Variants in PHLPP1 observed in about 807,000 individuals in gnomAD.
PHLPP1 encodes the protein PH domain leucine-rich repeat-containing protein phosphatase 1.
Under a neutral mutation model 117.2 loss-of-function variants are expected in PHLPP1, and 42 were observed. The ratio of observed to expected loss-of-function variants is 0.36; its 90% CI spans 0.28 to 0.46. The LOEUF is 0.46. Ranked by LOEUF, PHLPP1 falls within the 20% of genes least tolerant of loss-of-function variation. The pLI is 1.00. For missense variants in PHLPP1, 2,084 were observed against 2,241.9 expected (o/e 0.93, Z 1.42); for synonymous variants, 1,042 against 970.7 (o/e 1.07, Z -1.37).
At chr18:62,766,076 A>AAAAAAAAATAT in intron 1 of PHLPP1, among the ~76,000 whole-genome samples, 14 of 21,660 alleles carry the variant, frequency 6.5e-4, no homozygotes, top group Admixed American at 7.9e-4. Flanking sequence ...AAAAAAAAAA[A>AAAAAAAAATAT]ATATATATAT....
chr18:62,880,169 G>A (rs1387953020), intron 4 of PHLPP1, among the ~76,000 whole-genome samples: 1 of 151,408 alleles, frequency 6.6e-6, no homozygotes, highest in Non-Finnish European at 1.5e-5. Context: ...CCTAGCATCA[G>A]ACTTTTATTA....
At chr18:62,957,263 G>A (rs777555304) in intron 12 of PHLPP1, among the ~76,000 whole-genome samples, 24 of 152,068 alleles carry the variant, frequency 1.6e-4, no homozygotes, top group Non-Finnish European at 2.6e-4. Flanking sequence ...TCTTTTTACA[G>A]TACACCTTAT....
rs866801794 is a variant in PHLPP1 at position 62,822,287 on chromosome 18, T to G, written c.1577-7748T>G. Among the ~76,000 whole-genome samples the G allele has an allele frequency of 8.1e-3, 1,108 of 136,198 alleles. 21 individuals carry two copies. The highest frequency in any genetic ancestry group is 0.021 in the African/African-American group (763 of 36,072). 89.4% of individuals were successfully genotyped at this position (136,198 alleles called of 152,430 possible). On this transcript the variant is annotated intron_variant, in intron 1 of 16. Transcript: ENST00000262719. ...AGTGTTTTTTTTTTTTTTGTTTTTG[T>G]TTTTTTTTTTTTGAGACAGAGTCTC...
chr18:62,870,961 A>G (rs1231546837), intron 4 of PHLPP1, among the ~76,000 whole-genome samples: 1 of 152,088 alleles, frequency 6.6e-6, no homozygotes, highest in African/African-American at 2.4e-5. Context: ...GGTGGTGTTG[A>G]TGGTTTCTTT....
At chr18:62,784,695 C>T (rs1442622516) in intron 1 of PHLPP1, among the ~76,000 whole-genome samples, 2 of 152,200 alleles carry the variant, frequency 1.3e-5, no homozygotes, top group African/African-American at 4.8e-5. Context: ...TTGGTCATTT[C>T]ATTTAGTCCT....
intron 1 of PHLPP1, among the ~76,000 whole-genome samples, chr18:62,755,066 A>G (rs1052090786): frequency 6.6e-6 from 1 of 152,244 alleles, no homozygotes; most frequent in Non-Finnish European, 1.5e-5. Context: ...TTAGCCAGCT[A>G]GACAACAGCA....
At chr18:62,747,583 C>T (rs1254964477) in intron 1 of PHLPP1, among the ~76,000 whole-genome samples, 1 of 152,086 alleles carries the variant, frequency 6.6e-6, no homozygotes. Context: ...TGTGCACAGT[C>T]ATGGGTCACT....
In PHLPP1 at chr18:62,716,842, C is replaced by T. The variant is rs1427299961; in HGVS notation, c.1159C>T (p.Pro387Ser). The change falls in exon 1 of 17, where the codon CCG becomes TCG. Residue 387 changes from proline to serine, a missense_variant. By Grantham distance (74) the Pro-to-Ser change is moderately conservative. Around this residue, in one of 2 missense-constraint regions of PHLPP1, gnomAD observed 719 missense variants for 636.0 expected, o/e 1.13. Transcript: ENST00000262719. The surrounding 1 kb of genome is among the most constrained non-coding windows in gnomAD (Gnocchi z 5.7). ...EELEADAASA[P>S]TGVPGQPRRP... ...GCTCGAGGCCGACGCAGCCTCGGCC[C>T]CGACGGGGGTCCCGGGCCAGCCCCG... 6.6e-7 allele frequency: 1 copy of T among 1,524,332 alleles called. No individual in the cohort carries two copies. Among genetic ancestry groups the T allele is most frequent in the Non-Finnish European group, 8.8e-7 (1 of 1,141,682 alleles). 94.4% of individuals were successfully genotyped at this position (1,524,332 alleles called of 1,614,324 possible).
chr18:62,969,187 G>T (rs1910985362), intron 14 of PHLPP1, among the ~76,000 whole-genome samples: 1 of 152,034 alleles, frequency 6.6e-6, no homozygotes, highest in African/African-American at 2.4e-5. Flanking sequence ...GATTACAGGT[G>T]TGAGATATCA....
chr18:62,939,337 A>C (rs1910063346), intron 10 of PHLPP1, among the ~76,000 whole-genome samples: 1 of 152,208 alleles, frequency 6.6e-6, no homozygotes, highest in Non-Finnish European at 1.5e-5. Context: ...TTTCCCAGCC[A>C]ACACTAGTCC....
chr18:62,831,144 T>C (rs1273148834), intron 2 of PHLPP1, among the ~76,000 whole-genome samples: 4 of 152,148 alleles, frequency 2.6e-5, no homozygotes, highest in Non-Finnish European at 4.4e-5. Context: ...TAGAACCAGA[T>C]TACTTGGGGA....
chr18:62,937,878 G>A (rs1480788568), intron 10 of PHLPP1, among the ~76,000 whole-genome samples: 3 of 152,242 alleles, frequency 2.0e-5, no homozygotes, highest in East Asian at 3.9e-4. Context: ...TGGGCATGGT[G>A]GTGCATGCCT....
intron 3 of PHLPP1, among the ~76,000 whole-genome samples, chr18:62,848,747 A>G (rs1349241525): frequency 1.3e-5 from 2 of 152,206 alleles, no homozygotes; most frequent in African/African-American, 2.4e-5. Flanking sequence ...GACAGGCACA[A>G]GCTACTGCGC....
intron 14 of PHLPP1, among the ~76,000 whole-genome samples, chr18:62,967,593 A>G (rs1322379685): frequency 6.6e-6 from 1 of 152,024 alleles, no homozygotes; most frequent in Non-Finnish European, 1.5e-5. Flanking sequence ...CCCTTTATCA[A>G]GTTAATTCTC....
At chr18:62,888,761 T>C (rs1449233887) in intron 4 of PHLPP1, among the ~76,000 whole-genome samples, 2 of 152,186 alleles carry the variant, frequency 1.3e-5, no homozygotes, top group Non-Finnish European at 2.9e-5. Flanking sequence ...GCTGAAAGTC[T>C]TATATTTTAT....
At chr18:62,975,665 G>A (rs762898057) in intron 16 of PHLPP1, 40 bp downstream of exon 16, 2 of 1,327,378 alleles carry the variant, frequency 1.5e-6, no homozygotes, top group South Asian at 2.4e-5. Flanking sequence ...GTGGAGAGGA[G>A]AGGAGAGGAG....
intron 1 of PHLPP1, among the ~76,000 whole-genome samples, chr18:62,803,836 C>T (rs1055512267): frequency 3.3e-5 from 5 of 152,194 alleles, no homozygotes; most frequent in African/African-American, 4.8e-5. Context: ...TATTGCTTCA[C>T]ATCCTTGTCA....
In PHLPP1 at chr18:62,777,495, TTTATA is replaced by T. The variant is rs534820015; in HGVS notation, c.1577-52533_1577-52529del. On this transcript the variant is annotated intron_variant, in intron 1 of 16. Transcript: ENST00000262719. ...TATTCTGTGGTTTCTTATATTCTTA[TTTATA>T]TTATATATTTTATTATATATTTCTT... Among the ~76,000 whole-genome samples the T allele has an allele frequency of 4.2e-3, 636 of 149,678 alleles. 2 individuals carry two copies. The highest frequency in any genetic ancestry group is 6.6e-3 in the Non-Finnish European group (443 of 67,448).
chr18:62,879,458 C>T (rs1916123422), intron 4 of PHLPP1, among the ~76,000 whole-genome samples: 1 of 152,112 alleles, frequency 6.6e-6, no homozygotes, highest in South Asian at 2.1e-4. Flanking sequence ...GTCACCCAGG[C>T]TGGAGTGCAG....
Sources: gnomAD v4.1 joint callset for allele counts (sites outside exome capture counted in the v4.1 genomes callset) on GRCh38, gnomAD v4.1.1 for gene constraint, gnomAD v4.1.1 regional missense constraint, Gnocchi (gnomAD v3.1) non-coding constraint, MANE v1.5 for transcripts, NCBI Gene and HGNC (gene_info 2026-07-23, HGNC 2026-07-21) for gene names.